SH3TC1: variants seen among roughly 807,000 people sequenced by gnomAD.
The protein encoded by SH3TC1 is SH3 domain and tetratricopeptide repeats 1.
A neutral mutation model predicts 117.3 loss-of-function variants in SH3TC1; 135 were observed. The ratio of observed to expected loss-of-function variants is 1.15; its 90% CI spans 1.00 to 1.33. The LOEUF (loss-of-function observed/expected upper bound fraction) is 1.33. Among genes scored for constraint, SH3TC1 ranks in the 40% most tolerant of loss-of-function variants. The pLI is 0.00. For synonymous variants in SH3TC1, 898 were observed against 816.9 expected (o/e 1.10, Z -1.69); for missense variants, 2,092 against 1,794.3 (o/e 1.17, Z -3.00).
chr4:8,204,977 A>G, intron 1 of SH3TC1, 190 bp from the exon 2 acceptor site: 1 of 403,708 alleles, frequency 2.5e-6, no homozygotes, highest in Non-Finnish European at 4.3e-6. Flanking sequence ...TAGGGAGGGG[A>G]GGCGCAGCAG....
rs556721542 is a variant in SH3TC1 at position 8,225,240 on chromosome 4, C to G, written c.1285+24C>G. On this transcript the variant is annotated intron_variant, in intron 11 of 17. Transcript: ENST00000245105. The surrounding 1 kb of genome is among the most constrained non-coding windows in gnomAD (Gnocchi z 5.5). ...AGGTGGGTTTTGCCAGTGGCTCAGGCTTCCTCTGGTTATGAGCTGGGCCTT... is the reference window on the plus strand; with the variant it reads ...AGGTGGGTTTTGCCAGTGGCTCAGGGTTCCTCTGGTTATGAGCTGGGCCTT... 4.7e-5 allele frequency: 76 copies of G among 1,610,078 alleles called. 1 individual carries two copies. In the South Asian group the frequency reaches 8.0e-4, roughly 17 times the overall value.
chr4:8,195,872 G>A (rs1157670482), upstream of SH3TC1, among the ~76,000 whole-genome samples: 3 of 152,222 alleles, frequency 2.0e-5, no homozygotes, highest in African/African-American at 7.2e-5. Flanking sequence ...GTTGACACAG[G>A]TGGTCTTGGG....
At chr4:8,234,517 A>C (rs990785258) in intron 14 of SH3TC1, among the ~76,000 whole-genome samples, 9 of 149,354 alleles carry the variant, frequency 6.0e-5, no homozygotes, top group Admixed American at 5.3e-4. Flanking sequence ...TCATCTGTCC[A>C]TCCGTCCGTC....
rs549653341 is a variant in SH3TC1, at chr4:8,210,383, C to T, written c.247+561C>T. Among the ~76,000 whole-genome samples, 22 of 152,366 alleles carry T rather than the reference C, an allele frequency of 1.4e-4. No homozygotes were observed. In the South Asian group the frequency reaches 3.1e-3, roughly 22 times the overall value. ...GGCTTTGCCCCTTGGCGGTGATGCC[C>T]GACTGTCCTTTGACTTTCCTTTTGT... On this transcript the variant is annotated intron_variant, in intron 3 of 17. Transcript: ENST00000245105. This position sits in a 1 kb window ranked among gnomAD's most constrained non-coding sequence, Gnocchi z 4.1.
intron 14 of SH3TC1, among the ~76,000 whole-genome samples, chr4:8,233,836 C>G (rs1431014885): frequency 1.3e-5 from 2 of 150,698 alleles, no homozygotes; most frequent in African/African-American, 4.9e-5. Context: ...ATCCATCCAT[C>G]AGGCATCCAT....
rs1465983880 is a variant in SH3TC1, at chr4:8,209,828, C to T, written c.247+6C>T. ...GATGGGGGTTTATCCCACAGGTAAA[C>T]ATCCTGGGCCCTACACAGGGCTTCA... is the stretch of plus-strand genomic sequence containing the variant. On this transcript the variant is annotated splice_donor_region_variant and intron_variant, in intron 3 of 17. Coordinates refer to ENST00000245105, the MANE Select transcript of SH3TC1 (RefSeq NM_018986.5). The surrounding 1 kb of genome is among the most constrained non-coding windows in gnomAD (Gnocchi z 5.9). The T allele has an allele frequency of 4.3e-6, 7 of 1,612,646 alleles. No individual in the cohort carries two copies. Among genetic ancestry groups the T allele is most frequent in the East Asian group, 2.2e-5 (1 of 44,858 alleles).
chr4:8,215,367 G>A (rs1365227390), intron 5 of SH3TC1: 1 of 411,992 alleles, frequency 2.4e-6, no homozygotes, highest in Admixed American at 2.5e-5. Context: ...AGTAAGAATT[G>A]TAGCCACAAT....
At chr4:8,188,571 G>A (rs1309509150) in intron 1 of SH3TC1, among the ~76,000 whole-genome samples, 2 of 152,260 alleles carry the variant, frequency 1.3e-5, no homozygotes, top group Non-Finnish European at 2.9e-5. Context: ...CAGTGGGGGA[G>A]TTTCCCGGTC....
intron 1 of SH3TC1, chr4:8,201,580 C>T (rs1403662488): frequency 1.3e-5 from 2 of 152,386 alleles, no homozygotes; most frequent in African/African-American, 4.8e-5. Flanking sequence ...CAACACCTGC[C>T]CGTGGTTGGG....
chr4:8,185,740 T>C (rs1717201204), intron 1 of SH3TC1, among the ~76,000 whole-genome samples: 1 of 152,254 alleles, frequency 6.6e-6, no homozygotes, highest in South Asian at 2.1e-4. Flanking sequence ...CTCCAAGGCA[T>C]TGCTGTTAGA....
intron 14 of SH3TC1, among the ~76,000 whole-genome samples, chr4:8,234,857 G>A (rs1721663871): frequency 6.6e-6 from 1 of 152,230 alleles, no homozygotes; most frequent in African/African-American, 2.4e-5. Context: ...AGCGACATGT[G>A]GCAAATCTCC....
chr4:8,214,645 C>A (rs535730152), intron 5 of SH3TC1, 65 bp downstream of exon 5: 5 of 1,194,630 alleles, frequency 4.2e-6, no homozygotes, highest in Admixed American at 1.8e-5. Context: ...GGTTACACAC[C>A]GTGCACTTAG....
rs148073987 is a variant in SH3TC1, at chr4:8,202,055, C to T, written c.-29+2650C>T. On this transcript the variant is annotated intron_variant, in intron 1 of 17. Coordinates refer to ENST00000245105, the MANE Select transcript of SH3TC1 (RefSeq NM_018986.5). The stretch of plus-strand genomic sequence containing the variant: ...CGCATGCCCAGGGAGTGGATTCCAG[C>T]GCTTTGTTGAGACGCCTCCATGTGC... Among the ~76,000 whole-genome samples the T allele has an allele frequency of 7.3e-3, 1,115 of 152,298 alleles. 6 individuals carry two copies. Among genetic ancestry groups the T allele is most frequent in the Non-Finnish European group, 0.013 (868 of 68,020 alleles).
chr4:8,212,806 G>A lies in SH3TC1; in HGVS notation c.353G>A (p.Arg118Gln), dbSNP rs567397185. The change falls in exon 4 of 18, where the codon CGG becomes CAG. Residue 118 changes from arginine to glutamine, a missense_variant. Physicochemically the swap from Arg to Gln is conservative, Grantham distance 43. Coordinates refer to ENST00000245105, the MANE Select transcript of SH3TC1 (RefSeq NM_018986.5). ...CTCCGCCTGCTGGAGAATGATAGCCGGGAGATGGCCCGCGTGCTTGGGGTG... is the reference window on the plus strand; with the variant it reads ...CTCCGCCTGCTGGAGAATGATAGCCAGGAGATGGCCCGCGTGCTTGGGGTG... The part of the protein sequence containing the change: ...GQLRLLENDS[R>Q]EMARVLGELS... 2.8e-5 allele frequency: 44 copies of A among 1,599,310 alleles called. No individual in the cohort carries two copies. The highest frequency in any genetic ancestry group is 3.5e-4 in the Middle Eastern group (2 of 5,678).
chr4:8,239,399 C>T (rs575556710), intron 17 of SH3TC1, among the ~76,000 whole-genome samples: 1 of 145,658 alleles, frequency 6.9e-6, no homozygotes, highest in Admixed American at 6.8e-5. Context: ...CCCATGTACA[C>T]ACAGGCACAT....
Position 8,235,560 on chromosome 4 carries a change from G to A in SH3TC1, c.3405+5G>A. ...AAAGCTGTGTCCTTCTACCGGGTGA[G>A]CTGGCCTGTGGGCTGATGTGGGTGG... is the stretch of plus-strand genomic sequence containing the variant. On this transcript the variant is annotated splice_donor_5th_base_variant and intron_variant, in intron 15 of 17. Transcript: ENST00000245105. 6.3e-7 allele frequency: 1 copy of A among 1,591,436 alleles called. No individual in the cohort carries two copies. The highest frequency in any genetic ancestry group is 1.1e-5 in the South Asian group (1 of 88,310).
In SH3TC1 at chr4:8,205,389, AC is replaced by A. The variant is rs1004224092; in HGVS notation, c.172+26del. 1 of 1,526,548 alleles carries A rather than the reference AC, an allele frequency of 6.6e-7. No homozygotes were observed. Among genetic ancestry groups the A allele is most frequent in the African/African-American group, 1.4e-5 (1 of 72,084 alleles). The allele number at this position is 1,526,548 out of a possible 1,614,324, so 94.6% of individuals were successfully genotyped here. A position where few individuals can be genotyped will look rare whatever the true frequency, so the allele number is the denominator to read the frequency against. On this transcript the variant is annotated intron_variant, in intron 2 of 17. Coordinates refer to ENST00000245105, the MANE Select transcript of SH3TC1 (RefSeq NM_018986.5). The surrounding 1 kb of genome is among the most constrained non-coding windows in gnomAD (Gnocchi z 5.4). ...GCGGTGAGTTCATTCCACCCTCACCACCCGCCCTCCATCCCACCCACTTCTC... is the reference window on the plus strand; with the variant it reads ...GCGGTGAGTTCATTCCACCCTCACCACCGCCCTCCATCCCACCCACTTCTC...
At chr4:8,198,564 C>G (rs888053427), upstream of SH3TC1, among the ~76,000 whole-genome samples, 9 of 152,248 alleles carry the variant, frequency 5.9e-5, no homozygotes, top group African/African-American at 2.2e-4. Flanking sequence ...CCTCAGCAGG[C>G]AGGGGCGAGA....
rs1312248176 is a variant in SH3TC1 at position 8,217,025 on chromosome 4, G to A, written c.697G>A (p.Gly233Ser). 1.2e-6 allele frequency: 2 copies of A among 1,613,802 alleles called. No homozygotes were observed. Among genetic ancestry groups the A allele is most frequent in the Admixed American group, 1.7e-5 (1 of 59,970 alleles). ...VMTGPRDAGN[G>S]PQALRQASGA... ...GACGGGTCCCCGGGATGCAGGAAAT[G>A]GCCCCCAGGCCCTCAGGCAGGCTTC... is the stretch of plus-strand genomic sequence containing the variant. Residue 233 changes from glycine to serine, a missense_variant, in exon 7 of 18, where the codon GGC (glycine) becomes AGC (serine). Gly to Ser is a moderately conservative substitution (Grantham distance 56). Coordinates refer to ENST00000245105, the MANE Select transcript of SH3TC1 (RefSeq NM_018986.5).
Sources: gnomAD v4.1 joint callset for allele counts (sites outside exome capture counted in the v4.1 genomes callset) on GRCh38, gnomAD v4.1.1 for gene constraint, Gnocchi (gnomAD v3.1) non-coding constraint, MANE v1.5 for transcripts, NCBI Gene and HGNC (gene_info 2026-07-23, HGNC 2026-07-21) for gene names.